The following PRIM2 variants were observed in gnomAD, a reference collection of about 807,000 sequenced individuals.
PRIM2 encodes the protein DNA primase large subunit.
In PRIM2, 39 loss-of-function variants were observed where a neutral mutation model predicts 67.3. The observed-to-expected ratio is 0.58, with a 90% confidence interval of 0.45 to 0.76. The LOEUF is 0.76. Ranked by LOEUF, PRIM2 falls within the 30% of genes least tolerant of loss-of-function variation. The pLI is 0.00. For synonymous variants in PRIM2, 143 were observed against 198.7 expected (o/e 0.72, Z 2.36); for missense variants, 398 against 598.7 (o/e 0.66, Z 3.50).
chr6:57,303,685 G>A, the PRIM2 span, among the ~76,000 whole-genome samples: 2 of 151,924 alleles, frequency 1.3e-5, no homozygotes, highest in Non-Finnish European at 2.9e-5. Flanking sequence ...GCACCATCTC[G>A]GCTCACTGCA....
chr6:57,449,121 T>A (rs1266824838), intron 7 of PRIM2, among the ~76,000 whole-genome samples: 2 of 152,198 alleles, frequency 1.3e-5, no homozygotes, highest in East Asian at 1.9e-4. Context: ...GAAATTTTTT[T>A]AAAACAATCT....
the PRIM2 span, among the ~76,000 whole-genome samples, chr6:57,305,645 T>C: frequency 1.3e-5 from 2 of 152,214 alleles, no homozygotes; most frequent in African/African-American, 2.4e-5. Flanking sequence ...AGTAGTTTCT[T>C]TGTTACTTAG....
chr6:57,474,341 A>T (rs1773419099), intron 7 of PRIM2, among the ~76,000 whole-genome samples: 1 of 151,042 alleles, frequency 6.6e-6, no homozygotes, highest in Non-Finnish European at 1.5e-5. Context: ...TGCCCGGCTA[A>T]TTTTTTGTTT....
At chr6:57,421,170 A>AT (rs1406320659) in intron 7 of PRIM2, among the ~76,000 whole-genome samples, 5 of 152,196 alleles carry the variant, frequency 3.3e-5, no homozygotes, top group Non-Finnish European at 7.3e-5. Context: ...GTATTTAGTG[A>AT]TTTTCAAGAA....
chr6:57,440,977 T>C (rs1772186519), intron 7 of PRIM2, among the ~76,000 whole-genome samples: 1 of 152,128 alleles, frequency 6.6e-6, no homozygotes, highest in African/African-American at 2.4e-5. Context: ...CATTGAACCA[T>C]CATGAATGTC....
chr6:57,232,324 A>C, the PRIM2 span, among the ~76,000 whole-genome samples: 1 of 152,210 alleles, frequency 6.6e-6, no homozygotes, highest in East Asian at 1.9e-4. Context: ...AGGCCGAAGC[A>C]GGCGGATCAT....
intron 11 of PRIM2, among the ~76,000 whole-genome samples, chr6:57,603,861 C>T (rs1419782155): frequency 2.6e-5 from 4 of 151,940 alleles, no homozygotes; most frequent in Non-Finnish European, 5.9e-5. Flanking sequence ...CTTTCAGCAG[C>T]GTTTTGTAGT....
At chr6:57,555,010 A>C (rs1775483618) in intron 10 of PRIM2, among the ~76,000 whole-genome samples, 1 of 152,220 alleles carries the variant, frequency 6.6e-6, no homozygotes, top group Non-Finnish European at 1.5e-5. Context: ...CCAAAGTTCT[A>C]AAAGAGCACA....
At chr6:57,542,939 A>ATTTGTTTTTTTTTTTTTTTT (rs1775194625) in intron 10 of PRIM2, among the ~76,000 whole-genome samples, 1 of 71,930 alleles carries the variant, frequency 1.4e-5, no homozygotes, top group Admixed American at 1.6e-4. Context: ...TGCTTATAGG[A>ATTTGTTTTTTTTTTTTTTTT]TTTTTTTTTT....
At chr6:57,340,383 G>T (rs575153540) in intron 5 of PRIM2, among the ~76,000 whole-genome samples, 3 of 152,070 alleles carry the variant, frequency 2.0e-5, no homozygotes, top group Non-Finnish European at 4.4e-5. Context: ...TATAAATCAT[G>T]CTGCTATAAA....
chr6:57,437,380 A>G (rs976366558), intron 7 of PRIM2, among the ~76,000 whole-genome samples: 1 of 152,110 alleles, frequency 6.6e-6, no homozygotes, highest in Non-Finnish European at 1.5e-5. Flanking sequence ...GACTATCATT[A>G]TTTCTCCCTA....
At chr6:57,346,440 C>G (rs13201285) in intron 5 of PRIM2, among the ~76,000 whole-genome samples, 62,559 of 151,736 alleles carry the variant, frequency 0.41, 13,667 homozygotes, top group South Asian at 0.56. Context: ...CTGCCCCAGC[C>G]TCCCGAGTAG....
rs1771111094 is a variant in PRIM2 at position 57,412,260 on chromosome 6, A to C, written c.693+30092A>C. 2.0e-5 allele frequency among the ~76,000 whole-genome samples: 3 copies of C among 152,098 alleles called. No individual in the cohort carries two copies. The South Asian group carries it at 6.2e-4, about 31-fold the overall frequency. ...CAATATTTTAATTTTTATTAACAGC[A>C]TGCTTATGACTGTGTAATCTATCAC... On this transcript the variant is annotated intron_variant, in intron 7 of 13. Transcript: ENST00000615550.
At chr6:57,239,327 T>G in the PRIM2 span, among the ~76,000 whole-genome samples, 1 of 152,190 alleles carries the variant, frequency 6.6e-6, no homozygotes, top group African/African-American at 2.4e-5. Context: ...TTTGTTATAG[T>G]TCCCAATACG....
intron 7 of PRIM2, among the ~76,000 whole-genome samples, chr6:57,410,953 A>G (rs1293999322): frequency 1.3e-5 from 2 of 151,398 alleles, no homozygotes; most frequent in African/African-American, 2.4e-5. Flanking sequence ...AATGTGATAT[A>G]GCTTGGATAT....
chr6:57,556,516 C>T (rs1337768413), intron 10 of PRIM2, among the ~76,000 whole-genome samples: 2 of 152,092 alleles, frequency 1.3e-5, no homozygotes, highest in Non-Finnish European at 2.9e-5. Flanking sequence ...TTCAACAAAG[C>T]CGACAAAAGC....
the PRIM2 span, among the ~76,000 whole-genome samples, chr6:57,269,931 A>G: frequency 6.6e-6 from 1 of 152,230 alleles, no homozygotes; most frequent in Non-Finnish European, 1.5e-5. Flanking sequence ...GTCAAAGATC[A>G]GATGGTTGTA....
intron 7 of PRIM2, among the ~76,000 whole-genome samples, chr6:57,406,464 C>T (rs1387610420): frequency 2.6e-5 from 4 of 152,176 alleles, no homozygotes; most frequent in Non-Finnish European, 5.9e-5. Context: ...CTTAATAAGG[C>T]TTTTCCATCT....
At chr6:57,422,636 T>G (rs1771502906) in intron 7 of PRIM2, among the ~76,000 whole-genome samples, 1 of 152,204 alleles carries the variant, frequency 6.6e-6, no homozygotes, top group South Asian at 2.1e-4. Context: ...CCATTTAGAC[T>G]AATTTTATTA....
Sources: allele counts gnomAD v4.1 joint callset (sites outside exome capture counted in the v4.1 genomes callset), GRCh38; gene constraint gnomAD v4.1.1; transcripts MANE v1.5; gene names NCBI Gene and HGNC (gene_info 2026-07-23, HGNC 2026-07-21).